Variants in FIBCD1 observed in about 807,000 individuals in gnomAD.
FIBCD1 encodes fibrinogen C domain-containing protein 1.
A neutral mutation model predicts 45.1 loss-of-function variants in FIBCD1; 47 were observed. The ratio of observed to expected loss-of-function variants is 1.04; its 90% CI spans 0.82 to 1.33. The LOEUF is 1.33. FIBCD1 is among the 40% of genes most tolerant of loss of function. FIBCD1 has a pLI of 0.00. For missense variants in FIBCD1, 653 were observed against 682.2 expected (o/e 0.96, Z 0.48); for synonymous variants, 313 against 308.1 (o/e 1.02, Z -0.17).
At chr9:130,930,306 G>A (rs1832426015) in intron 1 of FIBCD1, among the ~76,000 whole-genome samples, 1 of 152,104 alleles carries the variant, frequency 6.6e-6, no homozygotes, top group Admixed American at 6.5e-5. Flanking sequence ...CAGAGGGGAG[G>A]TGGAGACATA....
intron 1 of FIBCD1, among the ~76,000 whole-genome samples, chr9:130,930,455 C>CGGGG (rs1409531703): frequency 1.0e-3 from 156 of 151,770 alleles, no homozygotes; most frequent in African/African-American, 3.3e-3. Context: ...CGGGGAGACG[C>CGGGG]AGGGAGACGC....
At chr9:130,925,950 G>A (rs1459620617) in intron 2 of FIBCD1, among the ~76,000 whole-genome samples, 3 of 152,232 alleles carry the variant, frequency 2.0e-5, no homozygotes, top group Non-Finnish European at 4.4e-5. Flanking sequence ...GCCCTGCAAA[G>A]CTTTTAGTTT....
At position 130,904,745 on chromosome 9, in the gene FIBCD1, G is replaced by A. The variant is rs1831896882; in HGVS notation, c.1127-422C>T. Among the ~76,000 whole-genome samples, 6 of 152,330 alleles carry A rather than the reference G, an allele frequency of 3.9e-5. No individual in the cohort carries two copies. In the South Asian group the frequency reaches 1.2e-3, roughly 32 times the overall value. On this transcript the variant is annotated intron_variant, in intron 6 of 6. Transcript: ENST00000372338. ...GGCTCTGGGCTCAGTTTCTTTATCT[G>A]CAAAACGGGAAAACAGTCCAGGCTC...
intron 1 of FIBCD1, among the ~76,000 whole-genome samples, chr9:130,937,675 GCGGCCT>G (rs1832539681): frequency 6.6e-6 from 1 of 152,214 alleles, no homozygotes; most frequent in African/African-American, 2.4e-5. Flanking sequence ...TGGTGAGCGA[GCGGCCT>G]CCTCGTTTTC....
chr9:130,930,862 A>G (rs1442026923), intron 1 of FIBCD1: 1 of 454,392 alleles, frequency 2.2e-6, no homozygotes, highest in Non-Finnish European at 4.4e-6. Flanking sequence ...GCTGTGATGC[A>G]ACAGCAGCGA....
At chr9:130,905,827 G>A (rs1248392857) in intron 5 of FIBCD1, among the ~76,000 whole-genome samples, 1 of 152,184 alleles carries the variant, frequency 6.6e-6, no homozygotes, top group East Asian at 1.9e-4. Context: ...CTGCCAGGAT[G>A]CTTGTCCCTA....
At chr9:130,910,369 C>T (rs1170622796) in intron 5 of FIBCD1, among the ~76,000 whole-genome samples, 4 of 152,226 alleles carry the variant, frequency 2.6e-5, no homozygotes, top group African/African-American at 7.2e-5. Context: ...CGGGCCAGGG[C>T]TCGGGACCTG....
At chr9:130,927,767 C>T (rs771588557) in intron 2 of FIBCD1, among the ~76,000 whole-genome samples, 5 of 152,214 alleles carry the variant, frequency 3.3e-5, no homozygotes, top group Non-Finnish European at 7.3e-5. Context: ...CTTCCGGGTT[C>T]GAGCAATTTC....
chr9:130,940,481 C>G (rs1158189677), upstream of FIBCD1, among the ~76,000 whole-genome samples: 1 of 152,250 alleles, frequency 6.6e-6, no homozygotes, highest in Non-Finnish European at 1.5e-5. Context: ...GGCCCCTCGG[C>G]CTTTCCTATG....
In FIBCD1 at chr9:130,938,977, C is replaced by T. The variant is rs1238347531; in HGVS notation, c.-370G>A. ...GGACTCTCTTTGCTTTTTATTGCTCCCCTCGGCCTCCCCCGACACACTCAC... is the reference window on the plus strand; with the variant it reads ...GGACTCTCTTTGCTTTTTATTGCTCTCCTCGGCCTCCCCCGACACACTCAC... On this transcript the variant is annotated 5_prime_UTR_variant, in exon 1 of 7. Coordinates refer to ENST00000372338, the MANE Select transcript of FIBCD1 (RefSeq NM_032843.5). 6.6e-6 allele frequency: 1 copy of T among 152,220 alleles called. No individual in the cohort carries two copies. Among genetic ancestry groups the T allele is most frequent in the African/African-American group, 2.4e-5 (1 of 41,422 alleles). The allele number at this position is 152,220 out of a possible 1,614,324, so 9.4% of individuals were successfully genotyped here.
rs138361937 is a variant in FIBCD1 at position 130,916,338 on chromosome 9, C to T, written c.850-4450G>A. On this transcript the variant is annotated intron_variant, in intron 4 of 6. Transcript: ENST00000372338. The stretch of plus-strand genomic sequence containing the variant: ...TTGCCAGTGACCCACGGAGTACGCC[C>T]GCAGTTTGGGAACCACTGACAGCCT... Among the ~76,000 whole-genome samples, 1,103 of 152,366 alleles carry T rather than the reference C, an allele frequency of 7.2e-3. 11 individuals are homozygous for T. Among genetic ancestry groups the T allele is most frequent in the Middle Eastern group, 0.017 (5 of 294 alleles).
At chr9:130,929,498 G>A in intron 2 of FIBCD1, 69 bp downstream of exon 2, 4 of 1,469,240 alleles carry the variant, frequency 2.7e-6, no homozygotes, top group Non-Finnish European at 3.6e-6. Flanking sequence ...TCAGGCGCCT[G>A]GCACATGGCA....
Position 130,938,612 on chromosome 9 carries a change from C to CG in FIBCD1, c.-6dup. On this transcript the variant is annotated 5_prime_UTR_variant, in exon 1 of 7. Transcript: ENST00000372338. ...CTTCCACCGGTCGTTGACCATCTTCCGGCAGGACTGGCGGGGGCGCCGGGC... is the reference window on the plus strand; with the variant it reads ...CTTCCACCGGTCGTTGACCATCTTCCGGGCAGGACTGGCGGGGGCGCCGGGC... 6.2e-6 allele frequency: 9 copies of CG among 1,449,614 alleles called. No homozygotes were observed. The Middle Eastern group carries it at 1.7e-3, about 267-fold the overall frequency. The allele number at this position is 1,449,614 out of a possible 1,614,324, so 89.8% of individuals were successfully genotyped here.
At chr9:130,913,305 C>G (rs1377812623) in intron 4 of FIBCD1, among the ~76,000 whole-genome samples, 1 of 150,694 alleles carries the variant, frequency 6.6e-6, no homozygotes, top group Non-Finnish European at 1.5e-5. Flanking sequence ...GCCCGCGGCC[C>G]GGCCGGCCTC....
intron 4 of FIBCD1, among the ~76,000 whole-genome samples, chr9:130,921,118 G>A (rs1832253241): frequency 6.6e-6 from 1 of 152,212 alleles, no homozygotes. Flanking sequence ...ACAGGCTGCT[G>A]AGTTGCACCC....
chr9:130,911,456 G>T (rs1291029517), intron 5 of FIBCD1, among the ~76,000 whole-genome samples: 1 of 152,170 alleles, frequency 6.6e-6, no homozygotes, highest in Admixed American at 6.5e-5. Context: ...CTGCTGCCTG[G>T]GATGCTGCTG....
At position 130,922,356 on chromosome 9, in the gene FIBCD1, C is replaced by T. The variant is rs1832276076; in HGVS notation, c.849+1388G>A. ...GGCCTCCCAGTCTCTCTCCAGCACA[C>T]TTCTTCTCAGCTGAGCCCCCCACTT... On this transcript the variant is annotated intron_variant, in intron 4 of 6. Transcript: ENST00000372338. The surrounding 1 kb of genome is among the most constrained non-coding windows in gnomAD (Gnocchi z 4.5). Among the ~76,000 whole-genome samples, 1 of 152,204 alleles carries T rather than the reference C, an allele frequency of 6.6e-6. No individual in the cohort carries two copies. The highest frequency in any genetic ancestry group is 6.5e-5 in the Admixed American group (1 of 15,284).
rs149085412 is a variant in FIBCD1 at position 130,938,242 on chromosome 9, C to G, written c.72+294G>C. 1,352 of 343,384 alleles carry G rather than the reference C, an allele frequency of 3.9e-3. 20 individuals are homozygous for G. The highest frequency in any genetic ancestry group is 0.028 in the African/African-American group (1,269 of 46,128). 21.3% of individuals were successfully genotyped at this position (343,384 alleles called of 1,614,324 possible). A position where few individuals can be genotyped will look rare whatever the true frequency, so the allele number is the denominator to read the frequency against. The stretch of plus-strand genomic sequence containing the variant: ...TGTGGACACACAGCGAACTGTAAGT[C>G]CCCGCCTCCCTCTGCACCCGCGTGC... On this transcript the variant is annotated intron_variant, in intron 1 of 6. Transcript: ENST00000372338.
chr9:130,912,787 TC>T (rs952180108), intron 4 of FIBCD1, among the ~76,000 whole-genome samples: 5 of 148,732 alleles, frequency 3.4e-5, no homozygotes, highest in African/African-American at 1.0e-4. Context: ...GGCTTCGGTT[TC>T]CCCAATGGTC....
Sources: allele counts gnomAD v4.1 joint callset (sites outside exome capture counted in the v4.1 genomes callset), GRCh38; gene constraint gnomAD v4.1.1; non-coding constraint Gnocchi (gnomAD v3.1); transcripts MANE v1.5; gene names NCBI Gene and HGNC (gene_info 2026-07-23, HGNC 2026-07-21).